C1QTNF12: variants seen among roughly 807,000 people sequenced by gnomAD.
The protein encoded by C1QTNF12 is C1q and TNF related 12, also known as adipolin.
A neutral mutation model predicts 34.3 loss-of-function variants in C1QTNF12; 39 were observed. The observed-to-expected ratio is 1.14, with a 90% CI of 0.88 to 1.49. The LOEUF is 1.49. C1QTNF12 is among the 40% of genes most tolerant of loss of function. The probability of loss-of-function intolerance (pLI) is 0.00; values close to 1 mark genes in which losing one functional copy is unlikely to be tolerated. For synonymous variants in C1QTNF12, 220 were observed against 196.9 expected (o/e 1.12, Z -0.98); for missense variants, 497 against 424.7 (o/e 1.17, Z -1.50).
Position 1,246,469 on chromosome 1 carries a change from T to A in C1QTNF12, c.177+45A>T, listed in dbSNP as rs1262990171. ...GGGGAGGACGCCCCAGAGCCCCAGC[T>A]CCGAAGCTGCCCCGCGAGGGCCCAC... On this transcript the variant is annotated intron_variant, in intron 1 of 7. Coordinates refer to ENST00000330388, the MANE Select transcript of C1QTNF12 (RefSeq NM_001014980.3). The surrounding 1 kb of genome is among the most constrained non-coding windows in gnomAD (Gnocchi z 4.5). 1 of 1,227,040 alleles carries A rather than the reference T, an allele frequency of 8.1e-7. No individual in the cohort carries two copies. Among genetic ancestry groups the A allele is most frequent in the Non-Finnish European group, 1.0e-6 (1 of 984,268 alleles). 76.0% of individuals were successfully genotyped at this position (1,227,040 alleles called of 1,614,324 possible). A position where few individuals can be genotyped will look rare whatever the true frequency, so the allele number is the denominator to read the frequency against.
intron 5 of C1QTNF12, 122 bp from the exon 6 acceptor site, chr1:1,243,274 C>G (rs953698911): frequency 3.0e-6 from 3 of 1,001,684 alleles, no homozygotes; most frequent in Non-Finnish European, 4.4e-6. Context: ...GGGGAGGGGG[C>G]GCCTGAGGCC....
At chr1:1,244,774 C>T (rs1638841909) in intron 1 of C1QTNF12, 3 of 315,702 alleles carry the variant, frequency 9.5e-6, no homozygotes, top group South Asian at 1.0e-4. Flanking sequence ...TCATCCCACT[C>T]CTTCCCCCAC....
At position 1,243,068 on chromosome 1, in the gene C1QTNF12, C is replaced by T. The variant is rs775751000; in HGVS notation, c.725G>A (p.Arg242His). The change falls in exon 6 of 8, where the codon CGC (arginine) becomes CAC (histidine). Residue 242 changes from arginine to histidine, a missense_variant. Transcript: ENST00000330388. ...VLICIESLCQ[R>H]HTCLEAVSGL... is the part of the protein sequence containing the mutation. The stretch of plus-strand genomic sequence containing the variant: ...GGGGGCTGAGGTCACTCACGTGTGG[C>T]GCTGGCACAGGGACTCAATACAGAT... 9.5e-6 allele frequency: 15 copies of T among 1,581,192 alleles called. No homozygotes were observed. The highest frequency in any genetic ancestry group is 5.8e-5 in the South Asian group (5 of 86,866).
chr1:1,243,137 T>C lies in C1QTNF12; in HGVS notation c.656A>G (p.Gln219Arg). Residue 219 changes from glutamine to arginine, a missense_variant, in exon 6 of 8, where the codon CAG becomes CGG. Transcript: ENST00000330388. ...CCGGGCCCGCAGCCGGGCCTTGCCC[T>C]GCAGCTCACTGTGGTCTGCGGAGAG... ...ASLHVDHSEL[Q>R]GKARLRARDV... 6.5e-7 allele frequency: 1 copy of C among 1,541,188 alleles called. No individual in the cohort carries two copies. Among genetic ancestry groups the C allele is most frequent in the Non-Finnish European group, 8.8e-7 (1 of 1,142,498 alleles).
chr1:1,244,431 GC>G lies in C1QTNF12; in HGVS notation c.243del (p.Pro82ArgfsTer6). ...CGCTTCCTTAAGGCGCCGTCGTCCGGCCGCCGGACAAAGTTCAGCCATGTCA... is the reference window on the plus strand; with the variant it reads ...CGCTTCCTTAAGGCGCCGTCGTCCGGCGCCGGACAAAGTTCAGCCATGTCA... Reference protein sequence around the residue: ...AHMTWLNFVRRPDDGALRKRC... With the variant: ...AHMTWLNFVRXPDDGALRKRC... On this transcript the variant is annotated frameshift_variant, in exon 2 of 8. Transcript: ENST00000330388. LOFTEE classifies it high-confidence loss of function. The G allele has an allele frequency of 6.2e-7, 1 of 1,611,896 alleles. No homozygotes were observed.
intron 4 of C1QTNF12, among the ~76,000 whole-genome samples, 197 bp downstream of exon 4, chr1:1,243,757 G>A (rs892484794): frequency 7.2e-5 from 11 of 152,098 alleles, no homozygotes; most frequent in African/African-American, 2.2e-4. Context: ...GGGGACCCAC[G>A]CTCCGTCTGG....
intron 4 of C1QTNF12, 67 bp from the exon 5 acceptor site, chr1:1,243,619 GA>G: frequency 7.5e-7 from 1 of 1,326,652 alleles, no homozygotes. Context: ...CCCGCCTGGG[GA>G]AGGTGCCTGC....
chr1:1,244,344 G>A (rs754509056), intron 2 of C1QTNF12, 37 bp downstream of exon 2: 22 of 1,599,258 alleles, frequency 1.4e-5, no homozygotes, highest in African/African-American at 2.7e-5. Flanking sequence ...CACCCTGTCC[G>A]GGGCTCAGAC....
At position 1,242,536 on chromosome 1, in the gene C1QTNF12, C is replaced by T. The variant is rs1386672974; in HGVS notation, c.*12G>A. The T allele has an allele frequency of 6.4e-6, 10 of 1,550,832 alleles. No homozygotes were observed. The East Asian group carries it at 2.4e-4, about 38-fold the overall frequency. ...TCCGGCGGCAGCTCCTCGCCAGCCC[C>T]CCTGGGCGCCCTCACGTGCCCAGGA... On this transcript the variant is annotated 3_prime_UTR_variant, in exon 8 of 8. Transcript: ENST00000330388.
intron 1 of C1QTNF12, 75 bp from the exon 2 acceptor site, chr1:1,244,572 C>A: frequency 8.7e-7 from 1 of 1,150,162 alleles, no homozygotes; most frequent in South Asian, 1.2e-5. Context: ...CAGCGGGGAG[C>A]ACTCAGGGCA....
Position 1,243,993 on chromosome 1 carries a change from C to T in C1QTNF12, c.492G>A (p.Val164=). The change falls in exon 4 of 8, where the codon GTG becomes GTA. Residue 164 remains valine, a synonymous_variant. Transcript: ENST00000330388. Reference sequence around the variant, plus strand: ...GCAGCTCCACCAGCGTCCGCTTGTCCACCCGGCGGGGACCCTGCAGCCGGC... The same window carrying T: ...GCAGCTCCACCAGCGTCCGCTTGTCTACCCGGCGGGGACCCTGCAGCCGGC... ...FHCRLQGPRR[V]DKRTLVELHG... The T allele has an allele frequency of 6.2e-7, 1 of 1,608,298 alleles. No homozygotes were observed. The highest frequency in any genetic ancestry group is 8.5e-7 in the Non-Finnish European group (1 of 1,178,108).
rs1442153725 is a variant in C1QTNF12 at position 1,244,503 on chromosome 1, G to A, written c.178-6C>T. On this transcript the variant is annotated splice_region_variant and splice_polypyrimidine_tract_variant and intron_variant, in intron 1 of 7. Transcript: ENST00000330388. ...GGTCCTGAGGCCTGGGATGGCTGAA[G>A]GGACGGGACGGGGCTAGCGCACTGA... The A allele has an allele frequency of 1.3e-6, 2 of 1,595,892 alleles. No individual in the cohort carries two copies. The highest frequency in any genetic ancestry group is 2.2e-5 in the South Asian group (2 of 90,746).
In C1QTNF12 at chr1:1,242,659, C is replaced by A. The variant is rs928570618; in HGVS notation, c.811-13G>T. The A allele has an allele frequency of 5.7e-6, 9 of 1,582,692 alleles. No individual in the cohort carries two copies. The highest frequency in any genetic ancestry group is 7.7e-6 in the Non-Finnish European group (9 of 1,164,762). ...CGTACTGTCCAGCCTGTAAGAAGCA[C>A]GGGGACGTCACAACCGCAGCCACAG... is the stretch of plus-strand genomic sequence containing the variant. On this transcript the variant is annotated splice_polypyrimidine_tract_variant and intron_variant, in intron 7 of 7. Transcript: ENST00000330388.
rs1214552221 is a variant in C1QTNF12, at chr1:1,246,456, C to T, written c.177+58G>A. On this transcript the variant is annotated intron_variant, in intron 1 of 7. Coordinates refer to ENST00000330388, the MANE Select transcript of C1QTNF12 (RefSeq NM_001014980.3). This position sits in a 1 kb window ranked among gnomAD's most constrained non-coding sequence, Gnocchi z 4.5. ...ACAGAGCCTGCTGGGGGAGGACGCC[C>T]CAGAGCCCCAGCTCCGAAGCTGCCC... 1 of 1,214,586 alleles carries T rather than the reference C, an allele frequency of 8.2e-7. No individual in the cohort carries two copies. Among genetic ancestry groups the T allele is most frequent in the African/African-American group, 1.6e-5 (1 of 63,936 alleles). The allele number at this position is 1,214,586 out of a possible 1,614,324, so 75.2% of individuals were successfully genotyped here. A position where few individuals can be genotyped will look rare whatever the true frequency, so the allele number is the denominator to read the frequency against.
In C1QTNF12 at chr1:1,242,910, G is replaced by C. The variant is rs772407404; in HGVS notation, c.735C>G (p.Cys245Trp). The C allele has an allele frequency of 3.1e-6, 5 of 1,612,192 alleles. No homozygotes were observed. In the Admixed American group the frequency reaches 8.3e-5, roughly 27 times the overall value. ...CIESLCQRHT[C>W]LEAVSGLESN... ...TCTCCAGGCCTGAGACGGCCTCCAG[G>C]CACCTGAACACAGCCCCACAGGGCA... The change falls in exon 7 of 8, where the codon TGC (cysteine) becomes TGG (tryptophan). Residue 245 changes from cysteine (C) to tryptophan (W), a missense_variant. Transcript: ENST00000330388.
In C1QTNF12 at chr1:1,246,539, C is replaced by A. The variant is rs751880784; in HGVS notation, c.152G>T (p.Arg51Leu). 15 of 1,237,228 alleles carry A rather than the reference C, an allele frequency of 1.2e-5. No homozygotes were observed. Among genetic ancestry groups the A allele is most frequent in the South Asian group, 3.7e-5 (1 of 26,870 alleles). The allele number at this position is 1,237,228 out of a possible 1,614,324, so 76.6% of individuals were successfully genotyped here. A position where few individuals can be genotyped will look rare whatever the true frequency, so the allele number is the denominator to read the frequency against. ...PPNATASASS[R>L]EGLPEAPKPS... ...CTTGGGGGCCTCGGGCAGCCCCTCG[C>A]GGGAGGACGCGCTGGCGGTGGCGTT... The change falls in exon 1 of 8, where the codon CGC becomes CTC. Residue 51 changes from arginine to leucine, a missense_variant. Arg to Leu is a moderately radical substitution (Grantham distance 102, BLOSUM62 -2). Coordinates refer to ENST00000330388, the MANE Select transcript of C1QTNF12 (RefSeq NM_001014980.3). This position sits in a 1 kb window ranked among gnomAD's most constrained non-coding sequence, Gnocchi z 4.5.
chr1:1,243,883 G>T, intron 4 of C1QTNF12, 71 bp downstream of exon 4: 1 of 1,513,108 alleles, frequency 6.6e-7, no homozygotes, highest in Non-Finnish European at 8.9e-7. Context: ...AGTGTCAGGC[G>T]GTGTGTGTGG....
rs1016888641 is a variant in C1QTNF12 at position 1,246,619 on chromosome 1, C to G, written c.72G>C (p.Gly24=). ...GPQLVLLGGV[G]ARREAQRTQQ... ...GCGTCCTCTGTGCCTCCCGCCGGGC[C>G]CCGACGCCCCCGAGGAGCACGAGCT... The change falls in exon 1 of 8, where the codon GGG becomes GGC. Residue 24 remains glycine (G), a synonymous_variant. Coordinates refer to ENST00000330388, the MANE Select transcript of C1QTNF12 (RefSeq NM_001014980.3). This position sits in a 1 kb window ranked among gnomAD's most constrained non-coding sequence, Gnocchi z 4.5. 1.6e-6 allele frequency: 2 copies of G among 1,244,034 alleles called. No individual in the cohort carries two copies. Among genetic ancestry groups the G allele is most frequent in the Non-Finnish European group, 2.0e-6 (2 of 994,580 alleles). 77.1% of individuals were successfully genotyped at this position (1,244,034 alleles called of 1,614,324 possible).
Position 1,243,065 on chromosome 1 carries a change from T to A in C1QTNF12, c.728A>T (p.His243Leu). The change falls in exon 6 of 8, where the codon CAC becomes CTC. Residue 243 changes from histidine (H) to leucine (L), a missense_variant. Coordinates refer to ENST00000330388, the MANE Select transcript of C1QTNF12 (RefSeq NM_001014980.3). ...LICIESLCQRHTCLEAVSGLE... is the reference protein window; with the variant it reads ...LICIESLCQRLTCLEAVSGLE... ...AGCGGGGGCTGAGGTCACTCACGTG[T>A]GGCGCTGGCACAGGGACTCAATACA... 2 of 1,580,556 alleles carry A rather than the reference T, an allele frequency of 1.3e-6. No homozygotes were observed. The highest frequency in any genetic ancestry group is 1.7e-6 in the Non-Finnish European group (2 of 1,164,158).
Sources: gnomAD v4.1 joint callset for allele counts (sites outside exome capture counted in the v4.1 genomes callset) on GRCh38, gnomAD v4.1.1 for gene constraint, Gnocchi (gnomAD v3.1) non-coding constraint, MANE v1.5 for transcripts, NCBI Gene and HGNC (gene_info 2026-07-23, HGNC 2026-07-21) for gene names.